The following NEK6 variants were observed in gnomAD, a reference collection of about 807,000 sequenced individuals.
The protein encoded by NEK6 is NIMA related kinase 6, also known as serine/threonine-protein kinase Nek6.
NEK6 carries 27 observed loss-of-function variants against 43.5 expected under a neutral mutation model. That is an observed-to-expected ratio of 0.62 (90% CI 0.46 to 0.86). The LOEUF (loss-of-function observed/expected upper bound fraction) is 0.86. NEK6 is among the 40% of genes least tolerant of loss of function. The probability of loss-of-function intolerance (pLI) is 0.00; values close to 1 mark genes in which losing one functional copy is unlikely to be tolerated. For missense variants in NEK6, 318 were observed against 414.4 expected, an observed-to-expected ratio of 0.77 and a Z score of 2.02; for synonymous variants, 167 against 164.1, an observed-to-expected ratio of 1.02 and a Z score of -0.14.
At chr9:124,316,995 T>C (rs939308626) in intron 4 of NEK6, among the ~76,000 whole-genome samples, 2 of 152,182 alleles carry the variant, frequency 1.3e-5, no homozygotes, top group African/African-American at 4.8e-5. Flanking sequence ...CCTGGTGACA[T>C]AATGAGGTGA....
chr9:124,293,040 G>C (rs1371334108), intron 1 of NEK6: 9 of 1,479,778 alleles, frequency 6.1e-6, no homozygotes. Flanking sequence ...TTCCCAGGCA[G>C]GCAGGGGTCT....
chr9:124,284,103 C>T (rs1024437667), intron 1 of NEK6, among the ~76,000 whole-genome samples: 8 of 152,248 alleles, frequency 5.3e-5, no homozygotes, highest in African/African-American at 1.9e-4. Flanking sequence ...AATCCCAGCA[C>T]TTTGGGAGGC....
In NEK6 at chr9:124,295,860, T is replaced by C. The variant is rs539895349; in HGVS notation, c.-29-6076T>C. Among the ~76,000 whole-genome samples, 152 of 152,362 alleles carry C rather than the reference T, an allele frequency of 1.0e-3. 1 individual carries two copies. Among genetic ancestry groups the C allele is most frequent in the Non-Finnish European group, 1.9e-3 (131 of 68,034 alleles). On this transcript the variant is annotated intron_variant, in intron 1 of 9. Coordinates refer to ENST00000320246, the MANE Select transcript of NEK6 (RefSeq NM_014397.6). The stretch of plus-strand genomic sequence containing the variant: ...GGCTGGTCTGAGAAGCAGGTTCAAA[T>C]GGCAGCTCTCTCCACTGTGTGGACT...
chr9:124,341,230 G>C (rs765147205), intron 8 of NEK6, among the ~76,000 whole-genome samples: 2 of 152,198 alleles, frequency 1.3e-5, no homozygotes, highest in Non-Finnish European at 2.9e-5. Context: ...TTTTGGTAGA[G>C]ACGGGGTTTC....
chr9:124,331,730 C>T (rs939188249), intron 7 of NEK6, among the ~76,000 whole-genome samples: 1 of 152,162 alleles, frequency 6.6e-6, no homozygotes, highest in African/African-American at 2.4e-5. Context: ...TGCGTCTGTG[C>T]CCAGGCCTGG....
chr9:124,321,835 A>G (rs2130918052), intron 5 of NEK6, among the ~76,000 whole-genome samples: 1 of 152,316 alleles, frequency 6.6e-6, no homozygotes, highest in South Asian at 2.1e-4. Context: ...CCCATATGCA[A>G]AAGCAAGGCG....
intron 8 of NEK6, 46 bp downstream of exon 8, chr9:124,339,711 G>T (rs752664065): frequency 7.1e-7 from 1 of 1,401,864 alleles, no homozygotes; most frequent in Non-Finnish European, 1.0e-6. Flanking sequence ...GGACATGCAT[G>T]GGGGGTGCCC....
chr9:124,281,979 G>T (rs1018030596), intron 1 of NEK6, among the ~76,000 whole-genome samples: 1 of 152,214 alleles, frequency 6.6e-6, no homozygotes, highest in Non-Finnish European at 1.5e-5. Flanking sequence ...GGAGCCCGGG[G>T]CAGACTTTGA....
intron 7 of NEK6, among the ~76,000 whole-genome samples, chr9:124,328,813 G>A (rs763891665): frequency 1.3e-5 from 2 of 152,194 alleles, no homozygotes; most frequent in African/African-American, 2.4e-5. Context: ...CGGGGCTGGC[G>A]GGGAGGGGGT....
At chr9:124,294,574 G>T (rs1832590684) in intron 1 of NEK6, among the ~76,000 whole-genome samples, 1 of 152,136 alleles carries the variant, frequency 6.6e-6, no homozygotes, top group African/African-American at 2.4e-5. Flanking sequence ...CCATTGAGAG[G>T]CACCGATGGG....
chr9:124,300,442 G>T (rs1015146713), intron 1 of NEK6, among the ~76,000 whole-genome samples: 1 of 152,098 alleles, frequency 6.6e-6, no homozygotes, highest in African/African-American at 2.4e-5. Flanking sequence ...CCAGCAGACC[G>T]GGGGAAGACT....
At chr9:124,292,445 G>T (rs1284212886) in intron 1 of NEK6, 2 of 1,536,810 alleles carry the variant, frequency 1.3e-6, no homozygotes, top group Admixed American at 3.9e-5. Flanking sequence ...CCTGCCTGTG[G>T]GAAGGAGAGA....
At chr9:124,292,217 C>T (rs1832457163) in intron 1 of NEK6, 1 of 1,247,834 alleles carries the variant, frequency 8.0e-7, no homozygotes, top group Non-Finnish European at 1.1e-6. Flanking sequence ...CCTGGCTGCA[C>T]CTCTGCCACC....
At chr9:124,329,813 G>A (rs925443252) in intron 7 of NEK6, among the ~76,000 whole-genome samples, 4 of 152,270 alleles carry the variant, frequency 2.6e-5, no homozygotes, top group African/African-American at 9.6e-5. Context: ...AAACAGCTAA[G>A]TCTTGCACAC....
chr9:124,258,132 G>A, intron 1 of NEK6, 47 bp downstream of exon 1: 1 of 978,462 alleles, frequency 1.0e-6, no homozygotes, highest in Non-Finnish European at 1.2e-6. Context: ...CCCGCGGCCC[G>A]GAGAAGGGCG....
In NEK6 at chr9:124,268,652, G is replaced by C. The variant is rs532354947; in HGVS notation, c.-30+10567G>C. Reference sequence around the variant, plus strand: ...CACAGGCCACGTGGTGACGTCCCCAGAATGAACCAGAAACAATCCAGATGC... The same window carrying C: ...CACAGGCCACGTGGTGACGTCCCCACAATGAACCAGAAACAATCCAGATGC... On this transcript the variant is annotated intron_variant, in intron 1 of 9. Transcript: ENST00000320246. Among the ~76,000 whole-genome samples, 5 of 152,246 alleles carry C rather than the reference G, an allele frequency of 3.3e-5. No homozygotes were observed. In the East Asian group the frequency reaches 9.6e-4, roughly 29 times the overall value.
intron 9 of NEK6, 141 bp downstream of exon 9, chr9:124,347,963 A>G (rs1830034620): frequency 1.8e-6 from 1 of 549,686 alleles, no homozygotes; most frequent in South Asian, 2.6e-5. Flanking sequence ...TGGAAAAGTG[A>G]CTTGGAGAGG....
At position 124,327,387 on chromosome 9, in the gene NEK6, C is replaced by T. The variant is rs1311212158; in HGVS notation, c.564C>T (p.Leu188=). 4.3e-6 allele frequency: 7 copies of T among 1,613,754 alleles called. 1 individual carries two copies. The South Asian group carries it at 5.5e-5, about 13-fold the overall frequency. The part of the protein sequence containing the change: ...VFITATGVVK[L]GDLGLGRFFS... ...TCACAGCCACGGGCGTCGTGAAGCT[C>T]GGTGACCTTGGTCTGGGCCGCTTCT... Residue 188 remains leucine (L), a synonymous_variant, in exon 7 of 10, where the codon CTC becomes CTT. Transcript: ENST00000320246.
intron 9 of NEK6, among the ~76,000 whole-genome samples, chr9:124,350,141 C>T (rs1033793299): frequency 1.3e-5 from 2 of 152,314 alleles, no homozygotes; most frequent in East Asian, 1.9e-4. Context: ...CTGTGGCCTG[C>T]GGGGCTGACC....
Sources: allele counts gnomAD v4.1 joint callset (sites outside exome capture counted in the v4.1 genomes callset), GRCh38; gene constraint gnomAD v4.1.1; transcripts MANE v1.5; gene names NCBI Gene and HGNC (gene_info 2026-07-23, HGNC 2026-07-21).